The following CACNA1D variants were observed in gnomAD, a reference collection of about 807,000 sequenced individuals.
CACNA1D encodes voltage-dependent L-type calcium channel subunit alpha-1D.
In CACNA1D, 55 loss-of-function variants were observed where a neutral mutation model predicts 257.1. That is an observed-to-expected ratio of 0.21 (90% CI 0.17 to 0.27). CACNA1D has a LOEUF of 0.27. CACNA1D is among the 10% of genes least tolerant of loss of function. The pLI is 1.00. For missense variants in CACNA1D, 1,876 were observed against 2,784.0 expected (o/e 0.67, Z 7.34); for synonymous variants, 980 against 1,014.9 (o/e 0.97, Z 0.65).
chr3:53,672,095 C>T (rs1339102702), intron 7 of CACNA1D, among the ~76,000 whole-genome samples: 1 of 152,360 alleles, frequency 6.6e-6, no homozygotes. Context: ...TTTGCTCTAG[C>T]TTCCTTTGGC....
At chr3:53,735,987 C>T (rs768393231) in intron 20 of CACNA1D, among the ~76,000 whole-genome samples, 6 of 152,120 alleles carry the variant, frequency 3.9e-5, no homozygotes, top group Non-Finnish European at 8.8e-5. Context: ...CTAGGCTCCA[C>T]GACTCAGGAG....
chr3:53,624,646 G>A (rs2093735819), intron 3 of CACNA1D, among the ~76,000 whole-genome samples: 1 of 152,204 alleles, frequency 6.6e-6, no homozygotes, highest in South Asian at 2.1e-4. Context: ...GAGGCACTCT[G>A]CTGTATCCCA....
intron 3 of CACNA1D, among the ~76,000 whole-genome samples, chr3:53,517,769 A>G (rs1430296467): frequency 1.3e-5 from 2 of 152,130 alleles, no homozygotes; most frequent in Admixed American, 6.5e-5. Context: ...GGCATGAGCC[A>G]CCGTGCCCGG....
chr3:53,582,946 T>G (rs942683444), intron 3 of CACNA1D, among the ~76,000 whole-genome samples: 1 of 152,188 alleles, frequency 6.6e-6, no homozygotes, highest in Non-Finnish European at 1.5e-5. Context: ...CTTGAAAGTG[T>G]AGGAGGAAGA....
chr3:53,649,531 C>T (rs1563832), intron 3 of CACNA1D, among the ~76,000 whole-genome samples: 1 of 151,914 alleles, frequency 6.6e-6, no homozygotes, highest in African/African-American at 2.4e-5. Flanking sequence ...CCACACACCT[C>T]CCCCCCACAC....
At position 53,810,167 on chromosome 3, in the gene CACNA1D, C is replaced by T. The variant is rs779080006; in HGVS notation, c.6061C>T (p.Arg2021Cys). 28 of 1,613,848 alleles carry T rather than the reference C, an allele frequency of 1.7e-5. No homozygotes were observed. Among genetic ancestry groups the T allele is most frequent in the South Asian group, 1.6e-4 (15 of 91,086 alleles). ...QVNGSLPSLHRSSWYTDEPDI... is the reference protein window; with the variant it reads ...QVNGSLPSLHCSSWYTDEPDI... ...GAACGGCAGCCTGCCGTCCCTGCACCGCAGCTCCTGGTACACAGACGAGCC... is the reference window on the plus strand; with the variant it reads ...GAACGGCAGCCTGCCGTCCCTGCACTGCAGCTCCTGGTACACAGACGAGCC... Residue 2021 changes from arginine (R) to cysteine (C), a missense_variant, in exon 47 of 48, where the codon CGC (arginine) becomes TGC (cysteine). By Grantham distance (180) the Arg-to-Cys change is radical. This residue lies in a region of CACNA1D where 491 missense variants were observed against 554.3 expected (regional missense o/e 0.89). Transcript: ENST00000350061.
chr3:53,565,945 T>A (rs11715993), intron 3 of CACNA1D, among the ~76,000 whole-genome samples: 1 of 152,160 alleles, frequency 6.6e-6, no homozygotes, highest in South Asian at 2.1e-4. Context: ...ACCCACCTAT[T>A]GAGGCACAAA....
chr3:53,746,097 T>G (rs2095166517), intron 25 of CACNA1D, among the ~76,000 whole-genome samples: 1 of 152,196 alleles, frequency 6.6e-6, no homozygotes, highest in Non-Finnish European at 1.5e-5. Context: ...TCCATGGCAT[T>G]GTTGTGCAAC....
At chr3:53,779,665 T>C (rs1222780386) in intron 37 of CACNA1D, among the ~76,000 whole-genome samples, 1 of 151,126 alleles carries the variant, frequency 6.6e-6, no homozygotes, top group Non-Finnish European at 1.5e-5. Context: ...AGAGAGAGAA[T>C]TAAATCTTCC....
chr3:53,597,273 A>G (rs1576024093), intron 3 of CACNA1D, among the ~76,000 whole-genome samples: 1 of 152,252 alleles, frequency 6.6e-6, no homozygotes, highest in East Asian at 1.9e-4. Context: ...AACCATAAGC[A>G]TAATTGCTAA....
rs2091860735 is a variant in CACNA1D, at chr3:53,529,042, T to C, written c.483+27322T>C. ...TTGTAACATTGGCTAAGACCTTCCA[T>C]ATGGTATAGAATAGAAATGGTAAGA... On this transcript the variant is annotated intron_variant, in intron 3 of 47. Coordinates refer to ENST00000350061, the MANE Select transcript of CACNA1D (RefSeq NM_001128840.3). 2.0e-5 allele frequency among the ~76,000 whole-genome samples: 3 copies of C among 152,212 alleles called. No individual in the cohort carries two copies. In the South Asian group the frequency reaches 6.2e-4, roughly 31 times the overall value.
At chr3:53,540,605 T>A (rs1490130886) in intron 3 of CACNA1D, among the ~76,000 whole-genome samples, 2 of 151,956 alleles carry the variant, frequency 1.3e-5, no homozygotes, top group East Asian at 3.8e-4. Context: ...AAATTTCCTT[T>A]AAAAAAAATT....
intron 19 of CACNA1D, among the ~76,000 whole-genome samples, chr3:53,733,329 G>T (rs759235654): frequency 5.3e-5 from 8 of 152,202 alleles, no homozygotes; most frequent in Non-Finnish European, 8.8e-5. Context: ...TCGGCCAGCC[G>T]TGGAAATTTT....
At chr3:53,679,605 G>A (rs772093429) in intron 8 of CACNA1D, 5 of 152,210 alleles carry the variant, frequency 3.3e-5, no homozygotes, top group African/African-American at 1.2e-4. Context: ...AGGGACAGGG[G>A]AGGACTCTTT....
intron 3 of CACNA1D, among the ~76,000 whole-genome samples, chr3:53,627,203 C>T (rs1265113493): frequency 1.3e-5 from 2 of 152,174 alleles, no homozygotes; most frequent in Non-Finnish European, 2.9e-5. Flanking sequence ...CTGGTTCAGC[C>T]ACTCTGATCC....
intron 8 of CACNA1D, among the ~76,000 whole-genome samples, chr3:53,682,375 A>AC (rs1273463068): frequency 1.9e-4 from 19 of 101,494 alleles, no homozygotes; most frequent in African/African-American, 7.1e-4. Context: ...TAAAAAAAAA[A>AC]AAAAAAAAAA....
At position 53,812,586 on chromosome 3, in the gene CACNA1D, C is replaced by T. The variant is rs546151451; in HGVS notation, c.*1180C>T. On this transcript the variant is annotated 3_prime_UTR_variant, in exon 48 of 48. Transcript: ENST00000350061. ...TTTTGTTTGTTTGACTTGAACCACC[C>T]TCTGGTAAGTAAGTAAGTGAATTAC... The T allele has an allele frequency of 2.0e-5, 2 of 101,314 alleles. No individual in the cohort carries two copies. Among genetic ancestry groups the T allele is most frequent in the African/African-American group, 5.6e-5 (2 of 35,752 alleles). The allele number at this position is 101,314 out of a possible 1,614,324, so 6.3% of individuals were successfully genotyped here. A position where few individuals can be genotyped will look rare whatever the true frequency, so the allele number is the denominator to read the frequency against.
At chr3:53,635,404 C>T (rs1303659298) in intron 3 of CACNA1D, among the ~76,000 whole-genome samples, 1 of 152,150 alleles carries the variant, frequency 6.6e-6, no homozygotes, top group Non-Finnish European at 1.5e-5. Flanking sequence ...TTGTCATTTT[C>T]CTGTCCCAGT....
intron 30 of CACNA1D, 90 bp from the exon 31 acceptor site, chr3:53,769,883 C>T: frequency 9.8e-7 from 1 of 1,016,598 alleles, no homozygotes; most frequent in Admixed American, 1.7e-5. Context: ...AGATGGGAAC[C>T]ACACATTTTT....
Sources: allele counts gnomAD v4.1 joint callset (sites outside exome capture counted in the v4.1 genomes callset), GRCh38; gene constraint gnomAD v4.1.1; regional missense constraint gnomAD v4.1.1; transcripts MANE v1.5; gene names NCBI Gene and HGNC (gene_info 2026-07-23, HGNC 2026-07-21).